The following NALF1 variants were observed in gnomAD, a reference collection of about 807,000 sequenced individuals.
The protein encoded by NALF1 is NALCN channel auxiliary factor 1, also known as family with sequence similarity 155 member A.
NALF1 carries 3 observed loss-of-function variants against 48.4 expected under a neutral mutation model. The ratio of observed to expected loss-of-function variants is 0.06; its 90% CI spans 0.03 to 0.16. The LOEUF is 0.16. Among genes scored for constraint, NALF1 ranks in the 10% least tolerant of loss-of-function variants. The pLI is 1.00. For missense variants in NALF1, 526 were observed against 571.5 expected (o/e 0.92, Z 0.81); for synonymous variants, 262 against 245.7 (o/e 1.07, Z -0.62).
intron 1 of NALF1, among the ~76,000 whole-genome samples, chr13:107,563,351 C>T (rs1353925264): frequency 2.6e-5 from 4 of 152,044 alleles, no homozygotes; most frequent in African/African-American, 7.2e-5. Flanking sequence ...TTCCTACTGC[C>T]GAAAGTGTGA....
chr13:107,321,347 A>C (rs1882251124), intron 1 of NALF1, among the ~76,000 whole-genome samples: 1 of 152,126 alleles, frequency 6.6e-6, no homozygotes, highest in Non-Finnish European at 1.5e-5. Context: ...GAACATCGCA[A>C]GAGATTGATA....
At chr13:107,288,532 T>A (rs1042887226) in intron 1 of NALF1, among the ~76,000 whole-genome samples, 49 of 148,998 alleles carry the variant, frequency 3.3e-4, no homozygotes, top group African/African-American at 1.1e-3. Context: ...AAAACTTTTT[T>A]TTTTTTTTTT....
intron 1 of NALF1, among the ~76,000 whole-genome samples, chr13:107,768,767 A>G (rs1241220157): frequency 6.6e-6 from 1 of 152,222 alleles, no homozygotes; most frequent in Non-Finnish European, 1.5e-5. Context: ...ACAAAATGGG[A>G]GAAAATTTTC....
Position 107,210,713 on chromosome 13 carries a change from T to C in NALF1, c.958A>G (p.Thr320Ala), listed in dbSNP as rs536989412. ...AWLCSQYFEV[T>A]QFNCRKTIPC... ...ATTGTCTTTCTGCAGTTAAACTGTG[T>C]GACTTCAAAATACTGGGAACAGAGC... The change falls in exon 2 of 3, where the codon ACA becomes GCA. Residue 320 changes from threonine (T) to alanine (A), a missense_variant. By Grantham distance (58) the Thr-to-Ala change is moderately conservative. Coordinates refer to ENST00000375915, the MANE Select transcript of NALF1 (RefSeq NM_001080396.3). 6.2e-6 allele frequency: 10 copies of C among 1,613,100 alleles called. No individual in the cohort carries two copies. Among genetic ancestry groups the C allele is most frequent in the Middle Eastern group, 1.6e-4 (1 of 6,082 alleles).
At chr13:107,333,354 C>G (rs918837458) in intron 1 of NALF1, among the ~76,000 whole-genome samples, 1 of 152,126 alleles carries the variant, frequency 6.6e-6, no homozygotes. Context: ...GTCATTTAGG[C>G]TGTAAAATCA....
intron 1 of NALF1, among the ~76,000 whole-genome samples, chr13:107,299,082 C>T (rs1403038606): frequency 2.0e-5 from 3 of 152,076 alleles, no homozygotes; most frequent in African/African-American, 7.2e-5. Flanking sequence ...TTTTGATGAG[C>T]ACTGGTCAGT....
chr13:107,409,796 A>C (rs1594047510), intron 1 of NALF1, among the ~76,000 whole-genome samples: 1 of 152,280 alleles, frequency 6.6e-6, no homozygotes, highest in African/African-American at 2.4e-5. Context: ...GGATCTGATA[A>C]TCTCGATTAG....
chr13:107,563,615 T>C lies in NALF1; in HGVS notation c.915+302067A>G, dbSNP rs1038767547. On this transcript the variant is annotated intron_variant, in intron 1 of 2. Coordinates refer to ENST00000375915, the MANE Select transcript of NALF1 (RefSeq NM_001080396.3). Reference sequence around the variant, plus strand: ...ATCCTGCAGAAATATCATTTATGTATTCCCACAAAGCACTAGTGTCCTTTA... The same window carrying C: ...ATCCTGCAGAAATATCATTTATGTACTCCCACAAAGCACTAGTGTCCTTTA... 2.6e-5 allele frequency among the ~76,000 whole-genome samples: 4 copies of C among 152,216 alleles called. No homozygotes were observed. The East Asian group carries it at 7.7e-4, about 29-fold the overall frequency.
chr13:107,358,046 G>A (rs894681177), intron 1 of NALF1, among the ~76,000 whole-genome samples: 2 of 152,018 alleles, frequency 1.3e-5, no homozygotes, highest in Non-Finnish European at 2.9e-5. Context: ...ATATGCACAC[G>A]TGTGCATATG....
intron 1 of NALF1, among the ~76,000 whole-genome samples, chr13:107,401,081 A>G (rs117038734): frequency 0.031 from 4,741 of 152,276 alleles, 121 homozygotes; most frequent in Non-Finnish European, 0.049. Flanking sequence ...TGCTCTTAAA[A>G]TATTAAATAA....
chr13:107,494,716 T>C (rs1324491057), intron 1 of NALF1, among the ~76,000 whole-genome samples: 1 of 152,224 alleles, frequency 6.6e-6, no homozygotes, highest in Non-Finnish European at 1.5e-5. Context: ...AGCATGACAG[T>C]GTTTCCTAAA....
At chr13:107,613,041 G>A (rs144190444) in intron 1 of NALF1, among the ~76,000 whole-genome samples, 5 of 151,082 alleles carry the variant, frequency 3.3e-5, no homozygotes, top group South Asian at 4.2e-4. Flanking sequence ...AATGAGTCCC[G>A]CCTCCCCTGG....
At chr13:107,205,168 C>A (rs765014516) in intron 2 of NALF1, among the ~76,000 whole-genome samples, 1 of 152,080 alleles carries the variant, frequency 6.6e-6, no homozygotes. Flanking sequence ...TCCCCCCACC[C>A]CACAACAGTC....
intron 1 of NALF1, among the ~76,000 whole-genome samples, chr13:107,657,068 T>C (rs1220097092): frequency 6.6e-6 from 1 of 151,974 alleles, no homozygotes; most frequent in African/African-American, 2.4e-5. Context: ...TTGGGTACAA[T>C]GTACACTGCT....
chr13:107,560,815 A>T (rs1566393652), intron 1 of NALF1, among the ~76,000 whole-genome samples: 1 of 152,186 alleles, frequency 6.6e-6, no homozygotes, highest in Non-Finnish European at 1.5e-5. Context: ...CTTAAAAAAG[A>T]TTGTTTGAAA....
At position 107,545,356 on chromosome 13, in the gene NALF1, G is replaced by A. The variant is rs139878944; in HGVS notation, c.915+320326C>T. Among the ~76,000 whole-genome samples the A allele has an allele frequency of 2.2e-3, 337 of 152,286 alleles. 2 individuals carry two copies. The highest frequency in any genetic ancestry group is 7.5e-3 in the African/African-American group (313 of 41,570). Reference sequence around the variant, plus strand: ...AATTCTCCTCTGGAGCCTTCAAAGGGAGCACAGACCCTCCAACACCATGAT... The same window carrying A: ...AATTCTCCTCTGGAGCCTTCAAAGGAAGCACAGACCCTCCAACACCATGAT... On this transcript the variant is annotated intron_variant, in intron 1 of 2. Coordinates refer to ENST00000375915, the MANE Select transcript of NALF1 (RefSeq NM_001080396.3).
At chr13:107,228,522 T>G (rs1331383832) in intron 1 of NALF1, among the ~76,000 whole-genome samples, 4 of 152,214 alleles carry the variant, frequency 2.6e-5, no homozygotes, top group Admixed American at 6.5e-5. Flanking sequence ...CGTTGTCACA[T>G]GTATCTCAAA....
intron 1 of NALF1, among the ~76,000 whole-genome samples, chr13:107,603,090 CTTA>C (rs746828543): frequency 3.3e-4 from 50 of 152,180 alleles, no homozygotes; most frequent in Non-Finnish European, 6.8e-4. Context: ...AATCTTACTG[CTTA>C]TTGTTTTATA....
chr13:107,788,685 C>G (rs1352260503), intron 1 of NALF1: 1 of 152,184 alleles, frequency 6.6e-6, no homozygotes, highest in East Asian at 1.9e-4. Context: ...GCAGGGCAAG[C>G]TCCAGAATGC....
Sources: allele counts gnomAD v4.1 joint callset (sites outside exome capture counted in the v4.1 genomes callset), GRCh38; gene constraint gnomAD v4.1.1; transcripts MANE v1.5; gene names NCBI Gene and HGNC (gene_info 2026-07-23, HGNC 2026-07-21).